The following GRID2 variants were observed in gnomAD, a reference collection of about 807,000 sequenced individuals.
GRID2 encodes glutamate receptor ionotropic, delta-2.
GRID2 carries 33 observed loss-of-function variants against 114.8 expected under a neutral mutation model. The observed-to-expected ratio is 0.29, with a 90% CI of 0.22 to 0.38. The LOEUF (loss-of-function observed/expected upper bound fraction) is 0.38, where lower values mean the gene tolerates loss of function less well. Among genes scored for constraint, GRID2 ranks in the 10% least tolerant of loss-of-function variants. The probability of loss-of-function intolerance (pLI) is 1.00; values close to 1 mark genes in which losing one functional copy is unlikely to be tolerated. For synonymous variants in GRID2, 505 were observed against 449.9 expected, an observed-to-expected ratio of 1.12 and a Z score of -1.55; for missense variants, 1,184 against 1,257.7, an observed-to-expected ratio of 0.94 and a Z score of 0.89.
intron 2 of GRID2, among the ~76,000 whole-genome samples, chr4:92,901,082 A>G (rs1747552137): frequency 6.6e-6 from 1 of 151,868 alleles, no homozygotes; most frequent in African/African-American, 2.4e-5. Flanking sequence ...TAGCGGGGGG[A>G]TTAGATACCC....
chr4:93,422,800 T>G lies in GRID2; in HGVS notation c.1377T>G (p.Asn459Lys). Residue 459 changes from asparagine to lysine, a missense_variant, in exon 10 of 16, where the codon AAT becomes AAG. By Grantham distance (94) the Asn-to-Lys change is moderately conservative. Coordinates refer to ENST00000282020, the MANE Select transcript of GRID2 (RefSeq NM_001510.4). Reference protein sequence around the residue: ...LEEPFVMVSENVLGKPKKYQG... With the variant: ...LEEPFVMVSEKVLGKPKKYQG... Reference sequence around the variant, plus strand: ...AACCTTTTGTGATGGTCTCTGAAAATGTCTTGGGTAAGCCGAAGAAATACC... The same window carrying G: ...AACCTTTTGTGATGGTCTCTGAAAAGGTCTTGGGTAAGCCGAAGAAATACC... The G allele has an allele frequency of 1.9e-6, 3 of 1,613,448 alleles. No homozygotes were observed. The highest frequency in any genetic ancestry group is 2.5e-6 in the Non-Finnish European group (3 of 1,179,390).
intron 2 of GRID2, among the ~76,000 whole-genome samples, chr4:93,051,827 T>C (rs1188826783): frequency 6.6e-6 from 1 of 151,978 alleles, no homozygotes; most frequent in Non-Finnish European, 1.5e-5. Context: ...GAGAATGTGG[T>C]CAGCAATTTC....
rs115228230 is a variant in GRID2 at position 92,726,241 on chromosome 4, T to A, written c.244+135955T>A. Among the ~76,000 whole-genome samples, 114 of 152,254 alleles carry A rather than the reference T, an allele frequency of 7.5e-4. No homozygotes were observed. The South Asian group carries it at 0.023, about 31-fold the overall frequency. On this transcript the variant is annotated intron_variant, in intron 2 of 15. Coordinates refer to ENST00000282020, the MANE Select transcript of GRID2 (RefSeq NM_001510.4). Reference sequence around the variant, plus strand: ...ACAACCTTTAGTTTCTTCTCTCAAATATATTCTCTTCTACAGATTATAAAA... The same window carrying A: ...ACAACCTTTAGTTTCTTCTCTCAAAAATATTCTCTTCTACAGATTATAAAA...
chr4:92,664,877 A>G (rs1732693137), intron 2 of GRID2, among the ~76,000 whole-genome samples: 3 of 150,924 alleles, frequency 2.0e-5, no homozygotes, highest in African/African-American at 7.3e-5. Flanking sequence ...TTTGTATGGA[A>G]TATCTTTTTT....
chr4:93,233,338 T>TTA (rs1746367888), intron 7 of GRID2, among the ~76,000 whole-genome samples: 3 of 149,310 alleles, frequency 2.0e-5, no homozygotes, highest in African/African-American at 7.5e-5. Flanking sequence ...TATTATTATT[T>TTA]TTTTTTTTAT....
chr4:93,055,721 T>C (rs922927898), intron 2 of GRID2, among the ~76,000 whole-genome samples: 9 of 151,974 alleles, frequency 5.9e-5, no homozygotes, highest in African/African-American at 1.7e-4. Context: ...TCTACTGTTA[T>C]ATTTGTCTCT....
chr4:93,719,119 T>A (rs1185849504), intron 14 of GRID2, among the ~76,000 whole-genome samples: 1 of 151,896 alleles, frequency 6.6e-6, no homozygotes, highest in African/African-American at 2.4e-5. Context: ...TTCAGTTATG[T>A]AATAACATTT....
At chr4:92,940,512 A>G (rs1751028068) in intron 2 of GRID2, among the ~76,000 whole-genome samples, 1 of 152,172 alleles carries the variant, frequency 6.6e-6, no homozygotes, top group Non-Finnish European at 1.5e-5. Flanking sequence ...GTCATCTGCA[A>G]ACAGGGACAA....
intron 2 of GRID2, among the ~76,000 whole-genome samples, chr4:92,733,610 G>C (rs762789334): frequency 1.3e-4 from 20 of 152,076 alleles, no homozygotes; most frequent in Non-Finnish European, 2.5e-4. Flanking sequence ...CACTGGCAAG[G>C]CTGCAGGGAC....
chr4:93,076,247 G>T (rs1330312593), intron 2 of GRID2, among the ~76,000 whole-genome samples: 1 of 152,020 alleles, frequency 6.6e-6, no homozygotes, highest in African/African-American at 2.4e-5. Flanking sequence ...TAGCATGGCG[G>T]TGGGAGAGTG....
At chr4:92,384,218 T>G (rs1262076148) in intron 1 of GRID2, among the ~76,000 whole-genome samples, 5 of 150,228 alleles carry the variant, frequency 3.3e-5, no homozygotes, top group Non-Finnish European at 5.9e-5. Context: ...CTTTTGGTGA[T>G]TTTTGTTTCT....
chr4:92,723,611 CTTT>C (rs1317080403), intron 2 of GRID2, among the ~76,000 whole-genome samples: 1 of 151,946 alleles, frequency 6.6e-6, no homozygotes, highest in East Asian at 1.9e-4. Context: ...GTAGTTACTT[CTTT>C]ATTTTAAAAA....
intron 2 of GRID2, among the ~76,000 whole-genome samples, chr4:92,972,961 T>A (rs1753623234): frequency 6.6e-6 from 1 of 152,200 alleles, no homozygotes. Context: ...GGCTGCATAG[T>A]ATTCCATGGT....
At chr4:93,614,389 G>C (rs1337859430) in intron 13 of GRID2, among the ~76,000 whole-genome samples, 1 of 152,062 alleles carries the variant, frequency 6.6e-6, no homozygotes, top group Non-Finnish European at 1.5e-5. Flanking sequence ...TTTTCTTCCT[G>C]TCAATTATGC....
At chr4:92,854,011 A>G (rs1370328494) in intron 2 of GRID2, among the ~76,000 whole-genome samples, 2 of 151,868 alleles carry the variant, frequency 1.3e-5, no homozygotes, top group African/African-American at 4.8e-5. Flanking sequence ...TTAAAAAAAA[A>G]AAAAAGATGA....
chr4:92,429,470 T>C (rs1732330482), intron 1 of GRID2, among the ~76,000 whole-genome samples: 1 of 152,206 alleles, frequency 6.6e-6, no homozygotes. Flanking sequence ...TCTGTATGTG[T>C]ACTGCATTTT....
intron 2 of GRID2, among the ~76,000 whole-genome samples, chr4:93,067,832 G>T (rs1728442900): frequency 6.6e-6 from 1 of 151,962 alleles, no homozygotes; most frequent in Non-Finnish European, 1.5e-5. Context: ...CTTAAGCAAA[G>T]ATTATCCAAC....
At chr4:93,542,021 C>T (rs1363088876) in intron 13 of GRID2, among the ~76,000 whole-genome samples, 1 of 152,158 alleles carries the variant, frequency 6.6e-6, no homozygotes, top group Non-Finnish European at 1.5e-5. Context: ...TGAAATGATT[C>T]CTTACTTTGC....
chr4:93,739,331 T>G (rs747502896), intron 14 of GRID2, among the ~76,000 whole-genome samples: 3 of 152,150 alleles, frequency 2.0e-5, no homozygotes, highest in Non-Finnish European at 4.4e-5. Context: ...GTACAATTTC[T>G]TCAACTATAG....
Sources: allele counts gnomAD v4.1 joint callset (sites outside exome capture counted in the v4.1 genomes callset), GRCh38; gene constraint gnomAD v4.1.1; transcripts MANE v1.5; gene names NCBI Gene and HGNC (gene_info 2026-07-23, HGNC 2026-07-21).